SPATA6L: variants seen among roughly 807,000 people sequenced by gnomAD.
The protein encoded by SPATA6L is spermatogenesis associated 6-like protein.
A neutral mutation model predicts 49.2 loss-of-function variants in SPATA6L; 68 were observed. The observed-to-expected ratio is 1.38, with a 90% CI of 1.14 to 1.69. The LOEUF (loss-of-function observed/expected upper bound fraction) is 1.69, where lower values mean the gene tolerates loss of function less well. Ranked by LOEUF, SPATA6L falls within the 40% of genes most tolerant of loss-of-function variation. The pLI, the probability that SPATA6L is intolerant of heterozygous loss-of-function variation, is 0.00. For synonymous variants in SPATA6L, 198 were observed against 165.7 expected, an observed-to-expected ratio of 1.19 and a Z score of -1.50; for missense variants, 668 against 464.3, an observed-to-expected ratio of 1.44 and a Z score of -4.03.
At chr9:4,625,243 T>A in intron 6 of SPATA6L, 84 bp downstream of exon 6, 1 of 1,500,290 alleles carries the variant, frequency 6.7e-7, no homozygotes, top group Non-Finnish European at 8.9e-7. Context: ...ATTCATTTGT[T>A]GTTATAACTC....
At chr9:4,612,211 T>C (rs1390687906) in intron 9 of SPATA6L, among the ~76,000 whole-genome samples, 1 of 152,090 alleles carries the variant, frequency 6.6e-6, no homozygotes, top group East Asian at 1.9e-4. Context: ...TTGTACTCAG[T>C]GATCCTCCTG....
At chr9:4,589,584 C>G (rs893662144) in intron 13 of SPATA6L, among the ~76,000 whole-genome samples, 3 of 152,118 alleles carry the variant, frequency 2.0e-5, no homozygotes, top group African/African-American at 7.2e-5. Context: ...AGGAGGTAAA[C>G]AAAAAATAAG....
chr9:4,626,593 T>C, intron 5 of SPATA6L: 1 of 1,277,528 alleles, frequency 7.8e-7, no homozygotes, highest in African/African-American at 1.5e-5. Flanking sequence ...TACTCTGTCA[T>C]TTCAGTGTTC....
At chr9:4,665,949 G>T (rs1040532715) in intron 1 of SPATA6L, among the ~76,000 whole-genome samples, 1 of 149,824 alleles carries the variant, frequency 6.7e-6, no homozygotes, top group Non-Finnish European at 1.5e-5. Flanking sequence ...TGTTTGAAAA[G>T]AAATTAAAAA....
chr9:4,614,840 A>C (rs1193311178), intron 9 of SPATA6L, among the ~76,000 whole-genome samples: 2 of 152,190 alleles, frequency 1.3e-5, no homozygotes, highest in African/African-American at 4.8e-5. Context: ...TTTGGGCACA[A>C]AGAATTTGCT....
chr9:4,663,300 G>GGTTT, intron 1 of SPATA6L: 1 of 1,586,086 alleles, frequency 6.3e-7, no homozygotes, highest in Non-Finnish European at 8.6e-7. Context: ...GAAGTCTGAA[G>GGTTT]GTTTCCACAT....
downstream of SPATA6L, among the ~76,000 whole-genome samples, chr9:4,597,169 T>A (rs1402488596): frequency 1.3e-5 from 2 of 152,064 alleles, no homozygotes; most frequent in Non-Finnish European, 2.9e-5. Flanking sequence ...ATCCAGGTAC[T>A]CGGAGGGGCG....
chr9:4,640,637 C>T lies in SPATA6L; in HGVS notation c.227-5238G>A, dbSNP rs186435831. ...AGGGCTCACTGCCACTACTACGTGC[C>T]CGGAGCCACCAGCATCACACTAGGA... On this transcript the variant is annotated intron_variant, in intron 3 of 11. Transcript: ENST00000682582. 6.6e-5 allele frequency among the ~76,000 whole-genome samples: 10 copies of T among 152,114 alleles called. No homozygotes were observed. The East Asian group carries it at 1.9e-3, about 29-fold the overall frequency.
In SPATA6L at chr9:4,618,069, G is replaced by C. The variant is rs538376742; in HGVS notation, c.849C>G (p.Asp283Glu). 6 of 1,613,642 alleles carry C rather than the reference G, an allele frequency of 3.7e-6. No individual in the cohort carries two copies. The highest frequency in any genetic ancestry group is 4.5e-5 in the East Asian group (2 of 44,884). Residue 283 changes from aspartate (D) to glutamate (E), a missense_variant, in exon 9 of 12, where the codon GAC (aspartate) becomes GAG (glutamate). Transcript: ENST00000682582. Reference sequence around the variant, plus strand: ...GACTTGAATCTAAACATGATGATGAGTCACTCCTTAAAACAATCCGTTCAT... The same window carrying C: ...GACTTGAATCTAAACATGATGATGACTCACTCCTTAAAACAATCCGTTCAT... ...EPDERIVLRS[D>E]SSSCLDSSQF...
At position 4,613,188 on chromosome 9, in the gene SPATA6L, A is replaced by T. The variant is rs570686841; in HGVS notation, c.995+4735T>A. Reference sequence around the variant, plus strand: ...GGTTGTAGTGAGCTGAGATGGGGCCACTGTACTCCAGCCTGGGTAACATAG... The same window carrying T: ...GGTTGTAGTGAGCTGAGATGGGGCCTCTGTACTCCAGCCTGGGTAACATAG... On this transcript the variant is annotated intron_variant, in intron 9 of 11. Transcript: ENST00000682582. Among the ~76,000 whole-genome samples the T allele has an allele frequency of 1.4e-4, 21 of 151,966 alleles. No individual in the cohort carries two copies. The South Asian group carries it at 4.2e-3, about 30-fold the overall frequency.
chr9:4,659,108 A>G (rs1262129499), intron 2 of SPATA6L, among the ~76,000 whole-genome samples: 1 of 152,200 alleles, frequency 6.6e-6, no homozygotes, highest in Non-Finnish European at 1.5e-5. Flanking sequence ...GATTCTGAGT[A>G]TATGTTCCAA....
downstream of SPATA6L, among the ~76,000 whole-genome samples, chr9:4,593,850 A>C (rs1293285212): frequency 6.6e-6 from 1 of 151,962 alleles, no homozygotes; most frequent in South Asian, 2.1e-4. Flanking sequence ...CTGCTCCCTT[A>C]CTGTGGGTCT....
In SPATA6L at chr9:4,589,565, G is replaced by C. The variant is rs140132958; in HGVS notation, c.*255-604C>G. 1.3e-3 allele frequency among the ~76,000 whole-genome samples: 196 copies of C among 152,320 alleles called. 2 individuals carry two copies. The highest frequency in any genetic ancestry group is 4.0e-3 in the African/African-American group (168 of 41,564). On this transcript the variant is annotated intron_variant and NMD_transcript_variant, in intron 13 of 13. Coordinates refer to the SPATA6L transcript ENST00000461761. Reference sequence around the variant, plus strand: ...TATCAAACTTAATTTTTTCTATAAAGTGTCATGTAGGAGGTAAACAAAAAA... The same window carrying C: ...TATCAAACTTAATTTTTTCTATAAACTGTCATGTAGGAGGTAAACAAAAAA...
At chr9:4,634,608 A>C (rs1427874241) in intron 4 of SPATA6L, among the ~76,000 whole-genome samples, 5 of 152,240 alleles carry the variant, frequency 3.3e-5, no homozygotes, top group African/African-American at 9.6e-5. Flanking sequence ...CTGAGTATCA[A>C]AATATTTTTT....
At chr9:4,620,255 A>G (rs1828972661) in intron 7 of SPATA6L, among the ~76,000 whole-genome samples, 1 of 151,944 alleles carries the variant, frequency 6.6e-6, no homozygotes, top group Non-Finnish European at 1.5e-5. Context: ...ATGTGGTCTC[A>G]TAACCTCCTT....
rs542874783 is a variant in SPATA6L at position 4,660,829 on chromosome 9, C to T, written c.177+1070G>A. ...GGATTAAGAAAATGTGGCACATATA[C>T]ACCGTGGAATACTATGCAGCCATAA... On this transcript the variant is annotated intron_variant, in intron 2 of 11. Transcript: ENST00000682582. 1.3e-3 allele frequency among the ~76,000 whole-genome samples: 191 copies of T among 152,294 alleles called. 1 individual carries two copies. The highest frequency in any genetic ancestry group is 2.1e-3 in the Non-Finnish European group (146 of 68,028).
intron 3 of SPATA6L, among the ~76,000 whole-genome samples, chr9:4,648,687 G>A (rs301482): frequency 0.26 from 30,288 of 118,142 alleles, 5,250 homozygotes; most frequent in African/African-American, 0.55. Flanking sequence ...GCGACAGAGC[G>A]AGACCCCGTC....
At position 4,598,928 on chromosome 9, in the gene SPATA6L, C is replaced by G. The variant is rs1263006988; in HGVS notation, c.*1883G>C. Among the ~76,000 whole-genome samples the G allele has an allele frequency of 6.6e-6, 1 of 152,198 alleles. No individual in the cohort carries two copies. The highest frequency in any genetic ancestry group is 1.5e-5 in the Non-Finnish European group (1 of 68,040). ...GCTGGTTGTGATACAGGTTGAGTCT[C>G]CCTTATCTTCAGTGCTTGGGACTGA... On this transcript the variant is annotated 3_prime_UTR_variant, in exon 12 of 12. Transcript: ENST00000682582.
chr9:4,604,699 A>G (rs1353274662), intron 10 of SPATA6L, among the ~76,000 whole-genome samples: 1 of 152,222 alleles, frequency 6.6e-6, no homozygotes, highest in African/African-American at 2.4e-5. Context: ...AATCTAGCAT[A>G]TGTCAGTATA....
Sources: gnomAD v4.1 joint callset for allele counts (sites outside exome capture counted in the v4.1 genomes callset) on GRCh38, gnomAD v4.1.1 for gene constraint, MANE v1.5 for transcripts, NCBI Gene and HGNC (gene_info 2026-07-23, HGNC 2026-07-21) for gene names.